Variants in INVS observed in about 807,000 individuals in gnomAD.
The protein encoded by INVS is inversin, also known as inversion of embryo turning homolog.
Under a neutral mutation model 108.8 loss-of-function variants are expected in INVS, and 86 were observed. The observed-to-expected ratio is 0.79, with a 90% CI of 0.66 to 0.95. The LOEUF is 0.95. Among genes scored for constraint, INVS ranks in the 40% least tolerant of loss-of-function variants. The probability of loss-of-function intolerance (pLI) is 0.00; values close to 1 mark genes in which losing one functional copy is unlikely to be tolerated. For missense variants in INVS, 1,169 were observed against 1,297.4 expected (o/e 0.90, Z 1.52); for synonymous variants, 455 against 473.5 (o/e 0.96, Z 0.51).
intron 2 of INVS, among the ~76,000 whole-genome samples, chr9:100,116,107 C>CTT (rs200846946): frequency 7.8e-6 from 1 of 128,726 alleles, no homozygotes; most frequent in South Asian, 2.6e-4. Context: ...TCTTTTTTTT[C>CTT]TTTTTTTTTT....
At chr9:100,244,936 A>T (rs1223404724) in intron 7 of INVS, among the ~76,000 whole-genome samples, 2 of 152,208 alleles carry the variant, frequency 1.3e-5, no homozygotes, top group Non-Finnish European at 2.9e-5. Flanking sequence ...TTAACCCTGG[A>T]TTCTTCCTTT....
intron 13 of INVS, among the ~76,000 whole-genome samples, chr9:100,290,350 C>CCTTT (rs755326559): frequency 1.3e-5 from 2 of 151,894 alleles, no homozygotes; most frequent in African/African-American, 2.4e-5. Context: ...TTCTTATATC[C>CCTTT]CTTTCTTTCT....
chr9:100,172,784 G>A (rs1170409358), intron 3 of INVS, among the ~76,000 whole-genome samples: 1 of 152,222 alleles, frequency 6.6e-6, no homozygotes, highest in Non-Finnish European at 1.5e-5. Context: ...CTGTCCAAGA[G>A]TAGGAGGGTT....
chr9:100,127,571 T>G (rs1175944177), intron 3 of INVS, among the ~76,000 whole-genome samples: 1 of 152,146 alleles, frequency 6.6e-6, no homozygotes, highest in Non-Finnish European at 1.5e-5. Flanking sequence ...ATGAGTTAGA[T>G]CCAGCGGGAA....
At chr9:100,191,016 A>G (rs1252462550) in intron 3 of INVS, among the ~76,000 whole-genome samples, 9 of 152,000 alleles carry the variant, frequency 5.9e-5, no homozygotes, top group Non-Finnish European at 7.4e-5. Flanking sequence ...ATATGCCACC[A>G]CATCAGGCTA....
At chr9:100,173,106 A>T in intron 3 of INVS, among the ~76,000 whole-genome samples, 1 of 152,218 alleles carries the variant, frequency 6.6e-6, no homozygotes, top group East Asian at 1.9e-4. Flanking sequence ...GTACTCAACC[A>T]TCTAGAAAGC....
intron 3 of INVS, among the ~76,000 whole-genome samples, chr9:100,139,539 T>G (rs1287291418): frequency 6.6e-6 from 1 of 152,226 alleles, no homozygotes; most frequent in African/African-American, 2.4e-5. Flanking sequence ...AATCTCAATT[T>G]CAGCATATCT....
chr9:100,192,248 AGTGTGTGTGT>A (rs58132596), intron 3 of INVS, among the ~76,000 whole-genome samples: 8 of 145,016 alleles, frequency 5.5e-5, no homozygotes, highest in Admixed American at 1.4e-4. Context: ...GGGAAAAAAG[AGTGTGTGTGT>A]GTGTGTGTGT....
chr9:100,122,931 A>G (rs1481612354), intron 2 of INVS, among the ~76,000 whole-genome samples: 1 of 152,158 alleles, frequency 6.6e-6, no homozygotes, highest in Non-Finnish European at 1.5e-5. Flanking sequence ...ATGTATTTAC[A>G]TCATTTACAT....
chr9:100,151,444 A>G (rs1277304695), intron 3 of INVS, among the ~76,000 whole-genome samples: 1 of 152,154 alleles, frequency 6.6e-6, no homozygotes, highest in East Asian at 1.9e-4. Flanking sequence ...ACACCACTGC[A>G]TTCCAGCCTG....
chr9:100,255,152 C>T (rs1832374154), intron 10 of INVS, among the ~76,000 whole-genome samples: 2 of 152,090 alleles, frequency 1.3e-5, no homozygotes. Flanking sequence ...AAGCTGGATT[C>T]CTAGGTATTT....
intron 11 of INVS, among the ~76,000 whole-genome samples, chr9:100,270,037 G>C (rs1034925826): frequency 6.6e-6 from 1 of 152,018 alleles, no homozygotes; most frequent in African/African-American, 2.4e-5. Flanking sequence ...CTGAGGCTTA[G>C]AGATATAAAG....
intron 10 of INVS, among the ~76,000 whole-genome samples, chr9:100,259,907 C>T (rs897481337): frequency 8.6e-5 from 13 of 151,028 alleles, no homozygotes; most frequent in African/African-American, 1.2e-4. Flanking sequence ...AGTCTCGCTT[C>T]GTCACCCAGG....
chr9:100,107,938 C>G (rs574443890), intron 2 of INVS, among the ~76,000 whole-genome samples: 2 of 152,152 alleles, frequency 1.3e-5, no homozygotes, highest in Admixed American at 1.3e-4. Context: ...AGTATCTTTT[C>G]TCCCAAGTAG....
Position 100,126,370 on chromosome 9 carries a change from C to G in INVS, c.107-13C>G. On this transcript the variant is annotated splice_polypyrimidine_tract_variant and intron_variant, in intron 2 of 16. Coordinates refer to ENST00000262457, the MANE Select transcript of INVS (RefSeq NM_014425.5). ...AATTATCAAATATCACTATCTGTTTCTTATCCTTATAGGAAACTCTGCTCT... is the reference window on the plus strand; with the variant it reads ...AATTATCAAATATCACTATCTGTTTGTTATCCTTATAGGAAACTCTGCTCT... 6.2e-7 allele frequency: 1 copy of G among 1,602,402 alleles called. No individual in the cohort carries two copies. Among genetic ancestry groups the G allele is most frequent in the Non-Finnish European group, 8.6e-7 (1 of 1,169,466 alleles).
intron 4 of INVS, 50 bp from the exon 5 acceptor site, chr9:100,229,610 G>A (rs1355217400): frequency 4.5e-6 from 7 of 1,554,118 alleles, no homozygotes; most frequent in Non-Finnish European, 6.2e-6. Flanking sequence ...AAAAGATTGG[G>A]GAAAGTTAGT....
At chr9:100,283,323 C>T (rs1833334726) in intron 12 of INVS, among the ~76,000 whole-genome samples, 2 of 152,136 alleles carry the variant, frequency 1.3e-5, no homozygotes, top group African/African-American at 4.8e-5. Flanking sequence ...TAAATAAATA[C>T]AAAATATAAC....
intron 3 of INVS, among the ~76,000 whole-genome samples, chr9:100,139,572 C>A (rs548030226): frequency 5.8e-4 from 89 of 152,320 alleles, no homozygotes; most frequent in African/African-American, 2.0e-3. Context: ...TACCTTTTAA[C>A]CTGTAATCAG....
intron 12 of INVS, among the ~76,000 whole-genome samples, chr9:100,282,986 GCCCAATAAAGTGTGAGGAGCACA>G (rs918676606): frequency 1.3e-5 from 2 of 152,176 alleles, no homozygotes; most frequent in African/African-American, 4.8e-5. Context: ...AGGTGATTCA[GCCCAATAAAGTGTGAGGAGCACA>G]GAACTAAAGT....
Sources: gnomAD v4.1 joint callset for allele counts (sites outside exome capture counted in the v4.1 genomes callset) on GRCh38, gnomAD v4.1.1 for gene constraint, MANE v1.5 for transcripts, NCBI Gene and HGNC (gene_info 2026-07-23, HGNC 2026-07-21) for gene names.